The following KCNQ3 variants were observed in gnomAD, a reference collection of about 807,000 sequenced individuals.
KCNQ3 encodes potassium voltage-gated channel subfamily Q member 3, also known as potassium voltage-gated channel subfamily KQT member 3.
KCNQ3 carries 30 observed loss-of-function variants against 92.5 expected under a neutral mutation model. The ratio of observed to expected loss-of-function variants is 0.32; its 90% confidence interval spans 0.24 to 0.44. The LOEUF is 0.44. Ranked by LOEUF, KCNQ3 falls within the 20% of genes least tolerant of loss-of-function variation. The pLI is 1.00. For synonymous variants in KCNQ3, 450 were observed against 468.8 expected (o/e 0.96, Z 0.52); for missense variants, 913 against 1,140.3 (o/e 0.80, Z 2.87).
rs2130913318 is a variant in KCNQ3, at chr8:132,123,077, T to C, written c.*6185A>G. 6.6e-6 allele frequency: 1 copy of C among 152,310 alleles called. No individual in the cohort carries two copies. The highest frequency in any genetic ancestry group is 2.1e-4 in the South Asian group (1 of 4,828). 9.4% of individuals were successfully genotyped at this position (152,310 alleles called of 1,614,324 possible). ...GGACACCTTTGGTAAAACTGGCCAC[T>C]TTGGGTCATATAGATCCCAAAAGAA... On this transcript the variant is annotated 3_prime_UTR_variant, in exon 15 of 15. Coordinates refer to ENST00000388996, the MANE Select transcript of KCNQ3 (RefSeq NM_004519.4).
chr8:132,154,223 T>TTTTTTTTTTTTTTTG (rs1825737377), intron 9 of KCNQ3, among the ~76,000 whole-genome samples: 1 of 131,788 alleles, frequency 7.6e-6, no homozygotes. Context: ...TTTTTTTTTT[T>TTTTTTTTTTTTTTTG]AGCCAATCAG....
At chr8:132,354,637 C>T (rs1818967549) in intron 1 of KCNQ3, among the ~76,000 whole-genome samples, 1 of 152,228 alleles carries the variant, frequency 6.6e-6, no homozygotes, top group South Asian at 2.1e-4. Context: ...CATATCCATA[C>T]TTCCATGGTG....
intron 1 of KCNQ3, among the ~76,000 whole-genome samples, chr8:132,211,967 A>G (rs2130302998): frequency 6.6e-6 from 1 of 152,106 alleles, no homozygotes; most frequent in Non-Finnish European, 1.5e-5. Context: ...AAAAAAAAAA[A>G]AAAAACTTTT....
chr8:132,193,636 T>C (rs1389302234), intron 1 of KCNQ3, among the ~76,000 whole-genome samples: 2 of 152,242 alleles, frequency 1.3e-5, no homozygotes, highest in African/African-American at 4.8e-5. Context: ...ACAGGCTTCA[T>C]TCACAGTGAG....
chr8:132,201,899 C>T (rs571601449), intron 1 of KCNQ3, among the ~76,000 whole-genome samples: 31 of 152,212 alleles, frequency 2.0e-4, no homozygotes, highest in Admixed American at 7.9e-4. Flanking sequence ...GGCCCCCAGG[C>T]TATATGCAAT....
At chr8:132,300,100 A>C (rs987051339) in intron 1 of KCNQ3, among the ~76,000 whole-genome samples, 4 of 152,228 alleles carry the variant, frequency 2.6e-5, no homozygotes, top group African/African-American at 7.2e-5. Flanking sequence ...CATGCCTGCA[A>C]CACAGCAAAC....
chr8:132,327,805 G>C (rs1160492311), intron 1 of KCNQ3, among the ~76,000 whole-genome samples: 6 of 152,322 alleles, frequency 3.9e-5, no homozygotes. Flanking sequence ...GCTTAAATGT[G>C]TGGGCTGGGG....
chr8:132,475,443 G>C (rs1449425778), intron 1 of KCNQ3, among the ~76,000 whole-genome samples: 2 of 152,222 alleles, frequency 1.3e-5, no homozygotes, highest in Non-Finnish European at 2.9e-5. Context: ...AGTCCAGGCT[G>C]AGGTGGTCTC....
intron 1 of KCNQ3, among the ~76,000 whole-genome samples, chr8:132,249,312 T>C (rs1364861299): frequency 6.6e-6 from 1 of 152,158 alleles, no homozygotes; most frequent in East Asian, 1.9e-4. Context: ...AGCTGATTGG[T>C]CTGTTTTACA....
chr8:132,315,329 A>C (rs944634594), intron 1 of KCNQ3, among the ~76,000 whole-genome samples: 1 of 152,032 alleles, frequency 6.6e-6, no homozygotes, highest in African/African-American at 2.4e-5. Context: ...GAGGTGTGAG[A>C]AGAGGTCAGT....
chr8:132,459,441 T>A (rs1161109813), intron 1 of KCNQ3, among the ~76,000 whole-genome samples: 1 of 152,098 alleles, frequency 6.6e-6, no homozygotes, highest in Non-Finnish European at 1.5e-5. Flanking sequence ...TGTGCAGAGA[T>A]CACAGGATAA....
At chr8:132,286,705 G>A (rs1816688094) in intron 1 of KCNQ3, among the ~76,000 whole-genome samples, 1 of 152,214 alleles carries the variant, frequency 6.6e-6, no homozygotes, top group Non-Finnish European at 1.5e-5. Context: ...TGGTTTAGAT[G>A]TAATTTGTCA....
At chr8:132,132,433 C>A (rs1824914622) in intron 13 of KCNQ3, among the ~76,000 whole-genome samples, 169 bp from the exon 14 acceptor site, 1 of 152,246 alleles carries the variant, frequency 6.6e-6, no homozygotes, top group South Asian at 2.1e-4. Flanking sequence ...CAGGAAAAGT[C>A]AGAGTTTTTC....
At chr8:132,366,532 A>G (rs1482496607) in intron 1 of KCNQ3, among the ~76,000 whole-genome samples, 1 of 152,138 alleles carries the variant, frequency 6.6e-6, no homozygotes, top group African/African-American at 2.4e-5. Context: ...CTCCTTTTTT[A>G]CTTGAATTCC....
intron 1 of KCNQ3, among the ~76,000 whole-genome samples, chr8:132,311,597 C>T (rs181482769): frequency 7.4e-4 from 112 of 152,322 alleles, no homozygotes; most frequent in African/African-American, 2.5e-3. Flanking sequence ...CAATTATTAC[C>T]AGAATTAGGG....
chr8:132,348,531 G>A (rs2130700292), intron 1 of KCNQ3, among the ~76,000 whole-genome samples: 1 of 152,200 alleles, frequency 6.6e-6, no homozygotes, highest in East Asian at 1.9e-4. Context: ...GCCACCTCAG[G>A]CTGTAGAACA....
intron 9 of KCNQ3, among the ~76,000 whole-genome samples, chr8:132,150,502 A>T (rs181966517): frequency 2.0e-5 from 3 of 152,340 alleles, no homozygotes; most frequent in African/African-American, 7.2e-5. Context: ...TTGGCTAATA[A>T]GGGAATTAAA....
intron 1 of KCNQ3, among the ~76,000 whole-genome samples, chr8:132,461,840 G>A (rs1436052836): frequency 2.0e-5 from 3 of 152,160 alleles, no homozygotes; most frequent in African/African-American, 7.2e-5. Context: ...TGAGATGTCT[G>A]TCCAAATATT....
intron 1 of KCNQ3, among the ~76,000 whole-genome samples, chr8:132,208,876 C>T (rs1378945963): frequency 2.0e-5 from 3 of 152,172 alleles, no homozygotes. Flanking sequence ...AGGCTCATTC[C>T]ATACGTCTCC....
Sources: allele counts gnomAD v4.1 joint callset (sites outside exome capture counted in the v4.1 genomes callset), GRCh38; gene constraint gnomAD v4.1.1; transcripts MANE v1.5; gene names NCBI Gene and HGNC (gene_info 2026-07-23, HGNC 2026-07-21).